The following GCM2 variants were observed in gnomAD, a reference collection of about 807,000 sequenced individuals.
The protein encoded by GCM2 is GCM transcription factor 2.
A neutral mutation model predicts 24.8 loss-of-function variants in GCM2; 21 were observed. The ratio of observed to expected loss-of-function variants is 0.85; its 90% confidence interval spans 0.60 to 1.22. The LOEUF (loss-of-function observed/expected upper bound fraction) is 1.22, where lower values mean the gene tolerates loss of function less well. Among genes scored for constraint, GCM2 ranks in the 50% most tolerant of loss-of-function variants. The probability of loss-of-function intolerance (pLI) is 0.00; values close to 1 mark genes in which losing one functional copy is unlikely to be tolerated. For synonymous variants in GCM2, 222 were observed against 238.0 expected, an observed-to-expected ratio of 0.93 and a Z score of 0.62; for missense variants, 532 against 645.6, an observed-to-expected ratio of 0.82 and a Z score of 1.91.
chr6:10,875,711 A>C (rs1426477629), intron 4 of GCM2, among the ~76,000 whole-genome samples, 180 bp downstream of exon 4: 1 of 152,196 alleles, frequency 6.6e-6, no homozygotes, highest in Non-Finnish European at 1.5e-5. Context: ...TGTTTTAAGG[A>C]GAAGGGATTA....
At chr6:10,880,463 G>A (rs1011877765) in intron 1 of GCM2, among the ~76,000 whole-genome samples, 2 of 152,070 alleles carry the variant, frequency 1.3e-5, no homozygotes, top group Admixed American at 6.6e-5. Flanking sequence ...TTTTATCCCT[G>A]TGCCACAACA....
Position 10,875,901 on chromosome 6 carries a change from C to T in GCM2, c.572G>A (p.Arg191Gln), listed in dbSNP as rs375528925. 6 of 1,613,936 alleles carry T rather than the reference C, an allele frequency of 3.7e-6. No homozygotes were observed. The highest frequency in any genetic ancestry group is 1.1e-5 in the South Asian group (1 of 91,082). ...SFYQPQKKRI[R>Q]ESEAEENQDS... ...TCAGCTCCCTGTTACCTCGGATTCT[C>T]GAATTCTCTTTTTCTGGGGTTGGTA... The change falls in exon 4 of 5, where the codon CGA becomes CAA. Residue 191 changes from arginine (R) to glutamine (Q), a missense_variant. Physicochemically the swap from Arg to Gln is conservative, Grantham distance 43. This residue lies in a region of GCM2 where 434 missense variants were observed against 521.9 expected (regional missense o/e 0.83). Coordinates refer to ENST00000379491, the MANE Select transcript of GCM2 (RefSeq NM_004752.4).
rs780587572 is a variant in GCM2, at chr6:10,874,085, A to G, written c.1431T>C (p.Thr477=). Residue 477 remains threonine, a synonymous_variant, in exon 5 of 5, where the codon ACT becomes ACC. Coordinates refer to ENST00000379491, the MANE Select transcript of GCM2 (RefSeq NM_004752.4). ...PVSSRTDEAE[T]WDVCLSGLGS... ...CCAGCCCAGACAGACACACATCCCA[A>G]GTCTCTGCTTCATCTGTCCTAGAGG... The G allele has an allele frequency of 1.2e-6, 2 of 1,614,086 alleles. No homozygotes were observed. Among genetic ancestry groups the G allele is most frequent in the African/African-American group, 1.3e-5 (1 of 74,938 alleles).
intron 1 of GCM2, among the ~76,000 whole-genome samples, chr6:10,879,158 A>T (rs551512805): frequency 1.1e-3 from 163 of 152,230 alleles, no homozygotes; most frequent in Non-Finnish European, 2.1e-3. Flanking sequence ...TGATACATCA[A>T]TGTAAGGTAA....
intron 1 of GCM2, 54 bp downstream of exon 1, chr6:10,881,650 C>T: frequency 7.9e-7 from 1 of 1,265,612 alleles, no homozygotes; most frequent in Non-Finnish European, 1.1e-6. Flanking sequence ...ATGCCATTCT[C>T]CCTCCTTCGG....
chr6:10,880,148 G>C lies in GCM2; in HGVS notation c.90+1556C>G, dbSNP rs142307905. On this transcript the variant is annotated intron_variant, in intron 1 of 4. Transcript: ENST00000379491. The stretch of plus-strand genomic sequence containing the variant: ...CGCATGCTTGTAGTCCCAGCTACTC[G>C]GGAAGCTGAGGCAAGAGAATCGCTG... Among the ~76,000 whole-genome samples the C allele has an allele frequency of 1.1e-3, 171 of 152,152 alleles. 1 individual carries two copies. Among genetic ancestry groups the C allele is most frequent in the African/African-American group, 4.0e-3 (165 of 41,504 alleles).
Position 10,874,030 on chromosome 6 carries a change from C to A in GCM2, c.1486G>T (p.Gly496Cys). 6.2e-7 allele frequency: 1 copy of A among 1,614,116 alleles called. No homozygotes were observed. The highest frequency in any genetic ancestry group is 8.5e-7 in the Non-Finnish European group (1 of 1,179,988). ...GSAVSYSDRV[G>C]PFFTYNNEDF Reference sequence around the variant, plus strand: ...TCATTGTTGTAGGTAAAGAAGGGACCCACTCTGTCTGAGTAACTGACTGCG... The same window carrying A: ...TCATTGTTGTAGGTAAAGAAGGGACACACTCTGTCTGAGTAACTGACTGCG... Residue 496 changes from glycine (G) to cysteine (C), a missense_variant, in exon 5 of 5, where the codon GGT becomes TGT. Physicochemically the swap from Gly to Cys is radical, Grantham distance 159. This residue lies in a region of GCM2 where 434 missense variants were observed against 521.9 expected (regional missense o/e 0.83). Coordinates refer to ENST00000379491, the MANE Select transcript of GCM2 (RefSeq NM_004752.4).
In GCM2 at chr6:10,876,044, A is replaced by G. The variant is rs775333615; in HGVS notation, c.457-28T>C. 1.9e-6 allele frequency: 3 copies of G among 1,613,374 alleles called. No individual in the cohort carries two copies. The African/African-American group carries it at 4.0e-5, about 22-fold the overall frequency. ...GCGATAACGAGAAAATGAATCATAC[A>G]TTTGTGCCTCTAAAGGAAGCTGACA... On this transcript the variant is annotated intron_variant, in intron 3 of 4. Transcript: ENST00000379491.
Position 10,875,971 on chromosome 6 carries a change from T to C in GCM2, c.502A>G (p.Thr168Ala). 1 of 1,613,822 alleles carries C rather than the reference T, an allele frequency of 6.2e-7. No individual in the cohort carries two copies. The highest frequency in any genetic ancestry group is 2.2e-5 in the East Asian group (1 of 44,882). The change falls in exon 4 of 5, where the codon ACA becomes GCA. Residue 168 changes from threonine (T) to alanine (A), a missense_variant. Transcript: ENST00000379491. ...TTGATGGCGCTTCTTCTAGCTTCTGTCTCTGATTTGCTCTCTGGTCTTGGA... is the reference window on the plus strand; with the variant it reads ...TTGATGGCGCTTCTTCTAGCTTCTGCCTCTGATTTGCTCTCTGGTCTTGGA... Reference protein sequence around the residue: ...DHPRPESKSETEARRSAIKRQ... With the variant: ...DHPRPESKSEAEARRSAIKRQ...
In GCM2 at chr6:10,874,121, G is replaced by T. The variant is rs139538731; in HGVS notation, c.1395C>A (p.His465Gln). 3 of 1,614,042 alleles carry T rather than the reference G, an allele frequency of 1.9e-6. No homozygotes were observed. Among genetic ancestry groups the T allele is most frequent in the Admixed American group, 1.7e-5 (1 of 59,986 alleles). The change falls in exon 5 of 5, where the codon CAC (histidine) becomes CAA (glutamine). Residue 465 changes from histidine (H) to glutamine (Q), a missense_variant. His to Gln is a conservative substitution (Grantham distance 24). Around this residue, in one of 3 missense-constraint regions of GCM2, gnomAD observed 434 missense variants for 521.9 expected, o/e 0.83. Coordinates refer to ENST00000379491, the MANE Select transcript of GCM2 (RefSeq NM_004752.4). ...CATCTGTCCTAGAGGAAACTGGCTC[G>T]TGGGGAATAGCCACAGTGGGTCTGA... Reference protein sequence around the residue: ...RAIRPTVAIPHEPVSSRTDEA... With the variant: ...RAIRPTVAIPQEPVSSRTDEA...
In GCM2 at chr6:10,874,962, C is replaced by A. The variant is rs150947820; in HGVS notation, c.583-29G>T. 18 of 1,473,816 alleles carry A rather than the reference C, an allele frequency of 1.2e-5. No homozygotes were observed. The Admixed American group carries it at 1.7e-4, about 14-fold the overall frequency. The allele number at this position is 1,473,816 out of a possible 1,614,324, so 91.3% of individuals were successfully genotyped here. On this transcript the variant is annotated intron_variant, in intron 4 of 4. Coordinates refer to ENST00000379491, the MANE Select transcript of GCM2 (RefSeq NM_004752.4). ...GAAAAATGATACAAACATAGACACA[C>A]GCTATGTAAATCGTGTGGACACCCT...
intron 4 of GCM2, 30 bp from the exon 5 acceptor site, chr6:10,874,963 G>GATTTACATAGCGTGTGT: frequency 1.4e-6 from 2 of 1,465,928 alleles, no homozygotes; most frequent in Non-Finnish European, 1.9e-6. Context: ...ATAGACACAC[G>GATTTACATAGCGTGTGT]CTATGTAAAT....
Position 10,874,100 on chromosome 6 carries a change from T to C in GCM2, c.1416A>G (p.Thr472=), listed in dbSNP as rs1476167190. The part of the protein sequence containing the change: ...AIPHEPVSSR[T]DEAETWDVCL... The stretch of plus-strand genomic sequence containing the variant: ...ACACATCCCAAGTCTCTGCTTCATC[T>C]GTCCTAGAGGAAACTGGCTCGTGGG... The change falls in exon 5 of 5, where the codon ACA becomes ACG. Residue 472 remains threonine, a synonymous_variant. Coordinates refer to ENST00000379491, the MANE Select transcript of GCM2 (RefSeq NM_004752.4). 2 of 1,614,230 alleles carry C rather than the reference T, an allele frequency of 1.2e-6. No individual in the cohort carries two copies. The highest frequency in any genetic ancestry group is 2.2e-5 in the South Asian group (2 of 91,084).
At chr6:10,877,465 C>T (rs1779900538) in intron 1 of GCM2, 73 bp from the exon 2 acceptor site, 1 of 1,509,348 alleles carries the variant, frequency 6.6e-7, no homozygotes, top group Non-Finnish European at 9.2e-7. Flanking sequence ...TAAAATTTCT[C>T]TGAGCACATT....
At chr6:10,875,804 G>A in intron 4 of GCM2, 87 bp downstream of exon 4, 5 of 1,285,180 alleles carry the variant, frequency 3.9e-6, no homozygotes, top group Non-Finnish European at 5.6e-6. Context: ...TGTAATTAAC[G>A]TATGACCTTC....
At chr6:10,879,890 G>C (rs942666357) in intron 1 of GCM2, among the ~76,000 whole-genome samples, 1 of 152,184 alleles carries the variant, frequency 6.6e-6, no homozygotes, top group African/African-American at 2.4e-5. Context: ...AACAGAATGA[G>C]ATGCACTTGC....
chr6:10,874,464 A>T lies in GCM2; in HGVS notation c.1052T>A (p.Phe351Tyr), dbSNP rs1360690790. 1.2e-6 allele frequency: 2 copies of T among 1,614,056 alleles called. No individual in the cohort carries two copies. The highest frequency in any genetic ancestry group is 2.7e-5 in the African/African-American group (2 of 74,932). The change falls in exon 5 of 5, where the codon TTT becomes TAT. Residue 351 changes from phenylalanine to tyrosine, a missense_variant. Coordinates refer to ENST00000379491, the MANE Select transcript of GCM2 (RefSeq NM_004752.4). ...ATAAGGGCGAGTGGCCATGGCCTGAAACTGCCCATGGTTAGTCCTTTCCAC... is the reference window on the plus strand; with the variant it reads ...ATAAGGGCGAGTGGCCATGGCCTGATACTGCCCATGGTTAGTCCTTTCCAC... The part of the protein sequence containing the change: ...SLVERTNHGQ[F>Y]QAMATRPYYN...
Position 10,874,543 on chromosome 6 carries a change from C to T in GCM2, c.973G>A (p.Asp325Asn). 1 of 1,614,178 alleles carries T rather than the reference C, an allele frequency of 6.2e-7. No homozygotes were observed. The highest frequency in any genetic ancestry group is 8.5e-7 in the Non-Finnish European group (1 of 1,180,044). Reference sequence around the variant, plus strand: ...CAGCCATGCTGTTTGTTGGTGAAATCAAAGCTTCTCTCATAGCTGCTGTAT... The same window carrying T: ...CAGCCATGCTGTTTGTTGGTGAAATTAAAGCTTCTCTCATAGCTGCTGTAT... ...NSYSSYERSF[D>N]FTNKQHGWKP... is the part of the protein sequence containing the mutation. Residue 325 changes from aspartate to asparagine, a missense_variant, in exon 5 of 5, where the codon GAT (aspartate) becomes AAT (asparagine). Physicochemically the swap from Asp to Asn is conservative, Grantham distance 23 (BLOSUM62 1). Coordinates refer to ENST00000379491, the MANE Select transcript of GCM2 (RefSeq NM_004752.4).
In GCM2 at chr6:10,874,671, T is replaced by C; in HGVS notation, c.845A>G (p.Tyr282Cys). The change falls in exon 5 of 5, where the codon TAT becomes TGT. Residue 282 changes from tyrosine to cysteine, a missense_variant. This residue lies in a region of GCM2 where 434 missense variants were observed against 521.9 expected (regional missense o/e 0.83). Coordinates refer to ENST00000379491, the MANE Select transcript of GCM2 (RefSeq NM_004752.4). ...PCSYELANPG[Y>C]TNSSPYPTLY... ...GGTGGGATATGGGCTTGAATTTGTA[T>C]AACCAGGGTTTGCCAATTCATAGCT... 2 of 1,614,206 alleles carry C rather than the reference T, an allele frequency of 1.2e-6. No individual in the cohort carries two copies. Among genetic ancestry groups the C allele is most frequent in the South Asian group, 2.2e-5 (2 of 91,082 alleles).
Sources: allele counts gnomAD v4.1 joint callset (sites outside exome capture counted in the v4.1 genomes callset), GRCh38; gene constraint gnomAD v4.1.1; regional missense constraint gnomAD v4.1.1; transcripts MANE v1.5; gene names NCBI Gene and HGNC (gene_info 2026-07-23, HGNC 2026-07-21).